The following ZC4H2 variants were observed in gnomAD, a reference collection of about 807,000 sequenced individuals.
ZC4H2 encodes zinc finger C4H2 domain-containing protein.
For synonymous variants in ZC4H2, 84 were observed against 66.3 expected (o/e 1.27, Z -1.30); for missense variants, 137 against 173.9 (o/e 0.79, Z 1.19).
chrX:64,979,802 A>G (rs1435622530), upstream of ZC4H2, among the ~76,000 whole-genome samples: 1 of 108,490 alleles, frequency 9.2e-6, no homozygotes, highest in East Asian at 2.8e-4. Flanking sequence ...GATTGATTTG[A>G]GGGGTTAGAA....
chrX:64,930,821 C>T lies in ZC4H2; in HGVS notation c.54-8833G>A, dbSNP rs150833029. ...TGTTCATCAGGGTATTGGTCTGTAG[C>T]GTTTTTGGTTGTGTTCTTTCTTGGT... On this transcript the variant is annotated intron_variant, in intron 1 of 4. Transcript: ENST00000374839. Among the ~76,000 whole-genome samples the T allele has an allele frequency of 2.1e-3, 234 of 110,553 alleles. 1 individual carries two copies. The highest frequency in any genetic ancestry group is 7.3e-3 in the African/African-American group (224 of 30,528).
intron 1 of ZC4H2, among the ~76,000 whole-genome samples, chrX:64,985,344 C>T (rs1313570910): frequency 2.7e-5 from 3 of 111,671 alleles, no homozygotes; most frequent in Non-Finnish European, 3.8e-5. Context: ...TTTTTTCCAA[C>T]ATCTGTTGTT....
At chrX:64,945,356 G>A (rs887751565) in intron 1 of ZC4H2, among the ~76,000 whole-genome samples, 1 of 112,017 alleles carries the variant, frequency 8.9e-6, no homozygotes, top group East Asian at 2.8e-4. Context: ...CAGTCTGCTG[G>A]AGTTTGCTGG....
chrX:64,974,274 A>G (rs766047734), intron 1 of ZC4H2, among the ~76,000 whole-genome samples: 6 of 111,031 alleles, frequency 5.4e-5, no homozygotes, highest in Non-Finnish European at 9.4e-5. Flanking sequence ...TTTATGTTTT[A>G]TATTTCTTTG....
chrX:64,920,130 G>A lies in ZC4H2; in HGVS notation c.349C>T (p.Leu117=). ...TCACACAAGTCAGGGAGCCTCTGCA[G>A]GCCCAGAGTCATGCGCAGGGCATCC... ...HVDALRMTLG[L]QRLPDLCEEE... Residue 117 remains leucine, a synonymous_variant, in exon 3 of 5, where the codon CTG becomes TTG. Transcript: ENST00000374839. 6.6e-6 allele frequency: 8 copies of A among 1,211,659 alleles called. No homozygotes were observed. The highest frequency in any genetic ancestry group is 8.9e-6 in the Non-Finnish European group (8 of 895,476).
intron 1 of ZC4H2, among the ~76,000 whole-genome samples, chrX:64,926,285 T>C (rs754078228): frequency 8.9e-5 from 10 of 112,104 alleles, no homozygotes; most frequent in African/African-American, 1.3e-4. Context: ...ATTACCACCA[T>C]GCAATGGCAA....
At chrX:65,020,553 G>C (rs181410614) in intron 1 of ZC4H2, among the ~76,000 whole-genome samples, 1 of 111,789 alleles carries the variant, frequency 8.9e-6, no homozygotes, top group East Asian at 2.8e-4. Flanking sequence ...ACATGGAAAG[G>C]AACAACCAAA....
intron 1 of ZC4H2, among the ~76,000 whole-genome samples, chrX:65,025,200 G>A (rs1932868688): frequency 1.1e-5 from 1 of 90,664 alleles, no homozygotes; most frequent in Non-Finnish European, 2.1e-5. Context: ...CCAAGCTGTA[G>A]TGCAGTAGCA....
At chrX:64,919,919 C>T (rs1929108628) in intron 3 of ZC4H2, 162 bp downstream of exon 3, 2 of 453,291 alleles carry the variant, frequency 4.4e-6, no homozygotes, top group Non-Finnish European at 7.0e-6. Flanking sequence ...CCCAAGATCA[C>T]ACAGTGAGTA....
chrX:64,994,873 C>CA (rs779323046), intron 1 of ZC4H2, among the ~76,000 whole-genome samples: 77 of 109,670 alleles, frequency 7.0e-4, no homozygotes, highest in African/African-American at 1.9e-3. Context: ...AACAAACAAA[C>CA]AAAAAAACAA....
At chrX:64,925,207 C>A (rs907814928) in intron 1 of ZC4H2, among the ~76,000 whole-genome samples, 1 of 111,391 alleles carries the variant, frequency 9.0e-6, no homozygotes, top group Non-Finnish European at 1.9e-5. Flanking sequence ...TGTGTGTGCA[C>A]ATGCATGAGT....
At chrX:64,952,658 G>T (rs1449145146) in intron 1 of ZC4H2, among the ~76,000 whole-genome samples, 1 of 110,481 alleles carries the variant, frequency 9.1e-6, no homozygotes, top group African/African-American at 3.3e-5. Flanking sequence ...ACTGCTCAAC[G>T]AAATAAAGGA....
chrX:64,995,111 T>TA (rs372668451), intron 1 of ZC4H2, among the ~76,000 whole-genome samples: 1,156 of 83,976 alleles, frequency 0.014, 33 homozygotes, highest in Admixed American at 0.063. Flanking sequence ...CCCTTGTCAT[T>TA]AAAAAAAAAA....
At chrX:64,921,721 G>T in intron 2 of ZC4H2, 96 bp downstream of exon 2, 1 of 981,320 alleles carries the variant, frequency 1.0e-6, no homozygotes, top group Non-Finnish European at 1.4e-6. Context: ...CCTGCTCCCC[G>T]AGCTAGGCCT....
chrX:64,944,092 C>T (rs1309182203), intron 1 of ZC4H2, among the ~76,000 whole-genome samples: 1 of 107,687 alleles, frequency 9.3e-6, no homozygotes, highest in East Asian at 2.9e-4. Context: ...GCTTGTGAAG[C>T]TTATTTTAGC....
intron 1 of ZC4H2, among the ~76,000 whole-genome samples, chrX:64,981,891 T>G (rs995408338): frequency 1.3e-4 from 15 of 111,213 alleles, no homozygotes; most frequent in Admixed American, 3.8e-4. Context: ...TAGACAGTGC[T>G]AGGTATTCTC....
chrX:64,964,908 G>A (rs890098228), intron 1 of ZC4H2, among the ~76,000 whole-genome samples: 3 of 111,666 alleles, frequency 2.7e-5, no homozygotes, highest in Non-Finnish European at 3.8e-5. Context: ...AGTATTATGC[G>A]CTCAATTGAA....
chrX:64,946,765 C>T (rs1431624482), intron 1 of ZC4H2, among the ~76,000 whole-genome samples: 4 of 111,671 alleles, frequency 3.6e-5, no homozygotes, highest in Non-Finnish European at 5.6e-5. Context: ...AGGTAATGTG[C>T]ATGAAATGTG....
chrX:64,971,684 G>T (rs1470718791), intron 1 of ZC4H2, among the ~76,000 whole-genome samples: 1 of 111,499 alleles, frequency 9.0e-6, no homozygotes, highest in Non-Finnish European at 1.9e-5. Context: ...ATGAATGTGG[G>T]TGGGGTATAG....
Sources: gnomAD v4.1 joint callset for allele counts (sites outside exome capture counted in the v4.1 genomes callset) on GRCh38, gnomAD v4.1.1 for gene constraint, MANE v1.5 for transcripts, NCBI Gene and HGNC (gene_info 2026-07-23, HGNC 2026-07-21) for gene names.